DNAH17: variants seen among roughly 807,000 people sequenced by gnomAD.
DNAH17 encodes the protein axonemal beta dynein heavy chain 17.
A neutral mutation model predicts 485.6 loss-of-function variants in DNAH17; 376 were observed. The ratio of observed to expected loss-of-function variants is 0.77; its 90% CI spans 0.71 to 0.84. The LOEUF is 0.84. Ranked by LOEUF, DNAH17 falls within the 40% of genes least tolerant of loss-of-function variation. DNAH17 has a pLI of 0.00. For synonymous variants in DNAH17, 3,031 were observed against 2,405.9 expected (o/e 1.26, Z -7.60); for missense variants, 6,370 against 5,839.3 (o/e 1.09, Z -2.96).
At position 78,484,936 on chromosome 17, in the gene DNAH17, G is replaced by A. The variant is rs911728068; in HGVS notation, c.7581C>T (p.Pro2527=). 5.6e-6 allele frequency: 9 copies of A among 1,609,492 alleles called. No homozygotes were observed. Among genetic ancestry groups the A allele is most frequent in the South Asian group, 2.2e-5 (2 of 90,190 alleles). Residue 2527 remains proline, a synonymous_variant, in exon 48 of 81, where the codon CCC becomes CCT. Coordinates refer to ENST00000389840, the MANE Select transcript of DNAH17 (RefSeq NM_173628.4). ...LVYFIDDMNM[P]EVDKYGTVAP... ...CCACCGTCCCATACTTGTCCACCTCGGGCATGTTCATGTCGTCGATGAAGT... is the reference window on the plus strand; with the variant it reads ...CCACCGTCCCATACTTGTCCACCTCAGGCATGTTCATGTCGTCGATGAAGT...
chr17:78,463,475 C>T (rs2088252374), intron 56 of DNAH17, among the ~76,000 whole-genome samples: 1 of 152,110 alleles, frequency 6.6e-6, no homozygotes, highest in South Asian at 2.1e-4. Context: ...CGTGCATACG[C>T]ATTCACATAC....
In DNAH17 at chr17:78,560,610, TAAG is replaced by T. The variant is rs1203331922; in HGVS notation, c.2031+127_2031+129del. On this transcript the variant is annotated intron_variant, in intron 13 of 80. Transcript: ENST00000389840. ...GTCTTAAATATACCCTGGACACACT[TAAG>T]AAGTAAAGCTTTAGGCGAACTGTGA... The T allele has an allele frequency of 2.1e-5, 21 of 1,016,180 alleles. No individual in the cohort carries two copies. The East Asian group carries it at 2.6e-4, about 13-fold the overall frequency. 62.9% of individuals were successfully genotyped at this position (1,016,180 alleles called of 1,614,324 possible). A position where few individuals can be genotyped will look rare whatever the true frequency, so the allele number is the denominator to read the frequency against.
intron 34 of DNAH17, 79 bp downstream of exon 34, chr17:78,501,663 C>G: frequency 1.9e-6 from 3 of 1,548,732 alleles, no homozygotes; most frequent in Non-Finnish European, 2.6e-6. Context: ...GTGGCAGGGT[C>G]TGAAGTCCCT....
At chr17:78,532,001 C>G (rs984484914) in intron 20 of DNAH17, among the ~76,000 whole-genome samples, 1 of 152,184 alleles carries the variant, frequency 6.6e-6, no homozygotes, top group Non-Finnish European at 1.5e-5. Context: ...TGAGCCAACC[C>G]GGAGCCCACA....
chr17:78,476,903 A>C (rs2089055136), intron 51 of DNAH17, among the ~76,000 whole-genome samples, 170 bp from the exon 52 acceptor site: 1 of 152,140 alleles, frequency 6.6e-6, no homozygotes, highest in Non-Finnish European at 1.5e-5. Flanking sequence ...CGGAGGTCCC[A>C]AAAATCCCGG....
intron 44 of DNAH17, among the ~76,000 whole-genome samples, chr17:78,489,839 A>ATGGGTGAGTGGG (rs2089772303): frequency 3.3e-5 from 3 of 89,824 alleles, no homozygotes; most frequent in African/African-American, 4.5e-5. Context: ...GGGTGAATGG[A>ATGGGTGAGTGGG]TGGGTGAGTG....
Position 78,468,745 on chromosome 17 carries a change from G to T in DNAH17, c.8650C>A (p.Leu2884Met), listed in dbSNP as rs568270363. The T allele has an allele frequency of 3.8e-5, 62 of 1,613,918 alleles. No individual in the cohort carries two copies. The highest frequency in any genetic ancestry group is 5.3e-5 in the Non-Finnish European group (62 of 1,179,908). ...TTCTCCACCTCGTCCTCCATAAACA[G>T]CCCAGGGATCTCTCCTGAGGCCAGC... ...DLLASGEIPG[L>M]FMEDEVENII... The change falls in exon 55 of 81, where the codon CTG (leucine) becomes ATG (methionine). Residue 2884 changes from leucine (L) to methionine (M), a missense_variant. Coordinates refer to ENST00000389840, the MANE Select transcript of DNAH17 (RefSeq NM_173628.4).
Position 78,463,074 on chromosome 17 carries a change from C to G in DNAH17, c.8944G>C (p.Glu2982Gln). 1 of 1,613,614 alleles carries G rather than the reference C, an allele frequency of 6.2e-7. No homozygotes were observed. The highest frequency in any genetic ancestry group is 8.5e-7 in the Non-Finnish European group (1 of 1,179,662). ...AAGAAGCTGATGGAGGCCTTGACTT[C>G]CCACTACAAAGATGAGACAGCCAGT... ...FLEETEGIPW[E>Q]VKASISFFMS... The change falls in exon 57 of 81, where the codon GAA becomes CAA. Residue 2982 changes from glutamate (E) to glutamine (Q), a missense_variant. Physicochemically the swap from Glu to Gln is conservative, Grantham distance 29 (BLOSUM62 2). Transcript: ENST00000389840.
intron 51 of DNAH17, among the ~76,000 whole-genome samples, chr17:78,477,949 TATCATCTCCACC>T (rs2089119813): frequency 3.8e-5 from 5 of 130,576 alleles, no homozygotes; most frequent in South Asian, 2.5e-4. Context: ...CCATCACCAT[TATCATCTCCACC>T]ATCACCACCA....
chr17:78,478,661 ACTACCATC>A (rs2089207967), intron 51 of DNAH17, among the ~76,000 whole-genome samples: 1 of 142,952 alleles, frequency 7.0e-6, no homozygotes, highest in African/African-American at 3.0e-5. Context: ...CACCACCATC[ACTACCATC>A]ACTACCACCA....
At position 78,459,092 on chromosome 17, in the gene DNAH17, T is replaced by C. The variant is rs1255297634; in HGVS notation, c.9770A>G (p.Asp3257Gly). The stretch of plus-strand genomic sequence containing the variant: ...CAGTGCCTGCCTCTTGGGCGCCACG[T>C]CGCAGTAGACCTCGTAGAAGCGGAC... ...NIVRFYEVYCDVAPKRQALEE... is the reference protein window; with the variant it reads ...NIVRFYEVYCGVAPKRQALEE... Residue 3257 changes from aspartate to glycine, a missense_variant, in exon 61 of 81, where the codon GAC becomes GGC. By Grantham distance (94) the Asp-to-Gly change is moderately conservative (BLOSUM62 -1). Coordinates refer to ENST00000389840, the MANE Select transcript of DNAH17 (RefSeq NM_173628.4). The C allele has an allele frequency of 6.2e-7, 1 of 1,614,036 alleles. No homozygotes were observed. Among genetic ancestry groups the C allele is most frequent in the Non-Finnish European group, 8.5e-7 (1 of 1,179,906 alleles).
intron 73 of DNAH17, among the ~76,000 whole-genome samples, chr17:78,438,455 A>G (rs1404126403): frequency 2.5e-4 from 21 of 82,566 alleles, no homozygotes; most frequent in East Asian, 4.0e-4. Context: ...GGGAGGAGGG[A>G]GGAGGAGGAG....
chr17:78,491,638 G>C, intron 42 of DNAH17, 68 bp from the exon 43 acceptor site: 1 of 1,548,518 alleles, frequency 6.5e-7, no homozygotes. Context: ...CACCAGTCCT[G>C]ACCCTGGCCT....
intron 22 of DNAH17, among the ~76,000 whole-genome samples, chr17:78,527,248 G>C (rs974323504): frequency 1.3e-5 from 2 of 152,030 alleles, no homozygotes; most frequent in African/African-American, 4.8e-5. Context: ...TTAGCTGGGC[G>C]TGATGATATG....
At chr17:78,491,392 G>A (rs769770352) in intron 43 of DNAH17, 51 bp downstream of exon 43, 192 of 1,594,734 alleles carry the variant, frequency 1.2e-4, no homozygotes, top group Non-Finnish European at 1.5e-4. Context: ...GTGAGCCCCC[G>A]TTGTCCCTGC....
Position 78,435,505 on chromosome 17 carries a change from G to A in DNAH17, c.12034-1285C>T, listed in dbSNP as rs143721415. Among the ~76,000 whole-genome samples the A allele has an allele frequency of 1.3e-3, 205 of 152,268 alleles. 1 individual carries two copies. The highest frequency in any genetic ancestry group is 4.5e-3 in the African/African-American group (186 of 41,548). On this transcript the variant is annotated intron_variant, in intron 74 of 80. Transcript: ENST00000389840. Reference sequence around the variant, plus strand: ...ACCTCCCCAACCAGAGATGGGATGAGGTGCCACTCCCGTGTGCTGGCTGGC... The same window carrying A: ...ACCTCCCCAACCAGAGATGGGATGAAGTGCCACTCCCGTGTGCTGGCTGGC...
rs567825595 is a variant in DNAH17 at position 78,571,203 on chromosome 17, G to A, written c.832+76C>T. The A allele has an allele frequency of 9.3e-6, 13 of 1,399,818 alleles. No individual in the cohort carries two copies. In the South Asian group the frequency reaches 1.6e-4, roughly 17 times the overall value. 86.7% of individuals were successfully genotyped at this position (1,399,818 alleles called of 1,614,324 possible). ...GAGGGAGGCCAACATCCTAGGGTTG[G>A]TGACAAGTCTGACCCAGCCCTCCCA... On this transcript the variant is annotated intron_variant, in intron 5 of 80. Transcript: ENST00000389840.
chr17:78,469,152 T>C lies in DNAH17; in HGVS notation c.8512-269A>G, dbSNP rs557635515. ...AACTTTCTTTTTTCTGTCTTTTTCT[T>C]TTTTTTTGAGACTGAGTCTCGCTCT... On this transcript the variant is annotated intron_variant, in intron 54 of 80. Transcript: ENST00000389840. Among the ~76,000 whole-genome samples, 3 of 151,992 alleles carry C rather than the reference T, an allele frequency of 2.0e-5. No homozygotes were observed. The East Asian group carries it at 5.8e-4, about 29-fold the overall frequency.
intron 14 of DNAH17, among the ~76,000 whole-genome samples, chr17:78,553,283 G>GGTTT (rs2091944708): frequency 0.012 from 634 of 51,004 alleles, 91 homozygotes; most frequent in East Asian, 0.017. Context: ...AGGTTTTTGT[G>GGTTT]TTTTTTTTTT....
Sources: allele counts gnomAD v4.1 joint callset (sites outside exome capture counted in the v4.1 genomes callset), GRCh38; gene constraint gnomAD v4.1.1; transcripts MANE v1.5; gene names NCBI Gene and HGNC (gene_info 2026-07-23, HGNC 2026-07-21).